Variants in ZFHX3 observed in about 807,000 individuals in gnomAD.
The protein encoded by ZFHX3 is zinc finger homeobox protein 3.
In ZFHX3, 42 loss-of-function variants were observed where a neutral mutation model predicts 279.1. That is an observed-to-expected ratio of 0.15 (90% confidence interval 0.12 to 0.19). The LOEUF (loss-of-function observed/expected upper bound fraction) is 0.19. Ranked by LOEUF, ZFHX3 falls within the 10% of genes least tolerant of loss-of-function variation. The pLI is 1.00. For synonymous variants in ZFHX3, 2,293 were observed against 1,957.8 expected (o/e 1.17, Z -4.52); for missense variants, 4,981 against 4,754.0 (o/e 1.05, Z -1.40).
chr16:73,642,026 G>T (rs2052577635), intron 2 of ZFHX3, among the ~76,000 whole-genome samples: 1 of 152,060 alleles, frequency 6.6e-6, no homozygotes, highest in Non-Finnish European at 1.5e-5. Flanking sequence ...TTCAGGCAGT[G>T]TGAGGGACGC....
chr16:73,439,909 C>CAAAAAAA (rs71156164), intron 3 of ZFHX3, among the ~76,000 whole-genome samples: 5 of 75,442 alleles, frequency 6.6e-5, no homozygotes, highest in African/African-American at 1.3e-4. Context: ...GGGAGAGGGA[C>CAAAAAAA]AAAAAAAAAA....
At chr16:73,224,333 A>C (rs1248305929) in intron 5 of ZFHX3, among the ~76,000 whole-genome samples, 1 of 152,242 alleles carries the variant, frequency 6.6e-6, no homozygotes, top group Non-Finnish European at 1.5e-5. Flanking sequence ...GTGAGCCTAC[A>C]CTGCTCGAAA....
intron 4 of ZFHX3, among the ~76,000 whole-genome samples, chr16:72,832,981 T>C (rs2037101058): frequency 6.6e-6 from 1 of 152,214 alleles, no homozygotes; most frequent in Admixed American, 6.5e-5. Flanking sequence ...ACCGGAAAAC[T>C]GTGAGCTCTG....
At chr16:73,844,804 A>G (rs1364806886) in intron 1 of ZFHX3, among the ~76,000 whole-genome samples, 1 of 151,846 alleles carries the variant, frequency 6.6e-6, no homozygotes, top group Non-Finnish European at 1.5e-5. Flanking sequence ...GATGATGGGT[A>G]GATCAATGGG....
chr16:73,622,725 C>T (rs1352016991), intron 2 of ZFHX3, among the ~76,000 whole-genome samples: 1 of 152,156 alleles, frequency 6.6e-6, no homozygotes, highest in African/African-American at 2.4e-5. Flanking sequence ...GTATCGCCCC[C>T]CCAACCTACA....
At chr16:73,436,382 G>A (rs1264127328) in intron 3 of ZFHX3, among the ~76,000 whole-genome samples, 2 of 152,104 alleles carry the variant, frequency 1.3e-5, no homozygotes, top group African/African-American at 4.8e-5. Flanking sequence ...TCACAATCAT[G>A]GTGGAAGGTA....
intron 3 of ZFHX3, among the ~76,000 whole-genome samples, chr16:73,407,689 T>C (rs74657017): frequency 0.024 from 3,618 of 152,200 alleles, 130 homozygotes; most frequent in African/African-American, 0.082. Context: ...CTCCTGCATA[T>C]AGAGATATAG....
At chr16:72,998,578 A>C (rs900754403) in intron 1 of ZFHX3, among the ~76,000 whole-genome samples, 2 of 152,176 alleles carry the variant, frequency 1.3e-5, no homozygotes, top group Non-Finnish European at 2.9e-5. Context: ...TTCCACACTC[A>C]CAGTATGGCT....
At chr16:73,008,031 C>T (rs1963777887) in intron 1 of ZFHX3, among the ~76,000 whole-genome samples, 2 of 151,954 alleles carry the variant, frequency 1.3e-5, no homozygotes, top group Non-Finnish European at 2.9e-5. Context: ...GGCCTTTTTT[C>T]CCAAATAGCT....
chr16:73,445,295 T>C (rs1183271637), intron 3 of ZFHX3, among the ~76,000 whole-genome samples: 1 of 112,420 alleles, frequency 8.9e-6, no homozygotes, highest in African/African-American at 3.1e-5. Flanking sequence ...TATATATATG[T>C]ATATGTATGT....
At chr16:73,202,696 G>C (rs574188063) in intron 5 of ZFHX3, among the ~76,000 whole-genome samples, 52 of 152,204 alleles carry the variant, frequency 3.4e-4, no homozygotes, top group African/African-American at 1.2e-3. Context: ...ACACTCCACT[G>C]CTCGTTGGCC....
chr16:73,369,627 C>T (rs1278959370), intron 3 of ZFHX3, among the ~76,000 whole-genome samples: 1 of 152,178 alleles, frequency 6.6e-6, no homozygotes, highest in Admixed American at 6.5e-5. Flanking sequence ...CATGCCAGTG[C>T]TTCTCAATCC....
intron 3 of ZFHX3, among the ~76,000 whole-genome samples, chr16:73,454,709 C>A (rs943537801): frequency 6.6e-6 from 1 of 152,122 alleles, no homozygotes; most frequent in Non-Finnish European, 1.5e-5. Flanking sequence ...CCCCACCCAC[C>A]CAATAAAGAG....
chr16:73,446,947 G>A (rs765442815), intron 3 of ZFHX3, among the ~76,000 whole-genome samples: 3 of 152,052 alleles, frequency 2.0e-5, no homozygotes, highest in Non-Finnish European at 4.4e-5. Context: ...TTAGGAGGCC[G>A]AGGTGGGTGG....
rs183500091 is a variant in ZFHX3 at position 72,895,533 on chromosome 16, G to A, written c.3217-5571C>T. On this transcript the variant is annotated intron_variant, in intron 3 of 9. Transcript: ENST00000268489. ...TCCAACTCACTTGCTTGTTTAGAAA[G>A]CACCTGGAGGCCAGGCGTGGTGGCT... 6.0e-4 allele frequency among the ~76,000 whole-genome samples: 91 copies of A among 152,308 alleles called. No homozygotes were observed. The Middle Eastern group carries it at 0.014, about 23-fold the overall frequency.
At chr16:73,449,042 A>G (rs1349057261) in intron 3 of ZFHX3, among the ~76,000 whole-genome samples, 5 of 152,178 alleles carry the variant, frequency 3.3e-5, no homozygotes, top group Non-Finnish European at 5.9e-5. Context: ...TATAATTGCA[A>G]CACTGAAATA....
At position 72,793,178 on chromosome 16, in the gene ZFHX3, T is replaced by C; in HGVS notation, c.9427+77A>G. 2.0e-6 allele frequency: 3 copies of C among 1,523,772 alleles called. No homozygotes were observed. The South Asian group carries it at 4.0e-5, about 20-fold the overall frequency. The allele number at this position is 1,523,772 out of a possible 1,614,324, so 94.4% of individuals were successfully genotyped here. ...CCCATCTGCCCAGCACTCAGAGGGT[T>C]TGGGTGGTATCCACATAACAGAATG... On this transcript the variant is annotated intron_variant, in intron 9 of 9. Coordinates refer to ENST00000268489, the MANE Select transcript of ZFHX3 (RefSeq NM_006885.4). This position sits in a 1 kb window ranked among gnomAD's most constrained non-coding sequence, Gnocchi z 4.3.
At chr16:73,647,752 G>C (rs1040392499) in intron 2 of ZFHX3, among the ~76,000 whole-genome samples, 1 of 151,892 alleles carries the variant, frequency 6.6e-6, no homozygotes, top group Non-Finnish European at 1.5e-5. Flanking sequence ...AAACAAAAAA[G>C]AAGGAAGAAA....
At chr16:73,798,882 C>G (rs542118282) in intron 1 of ZFHX3, among the ~76,000 whole-genome samples, 2 of 152,268 alleles carry the variant, frequency 1.3e-5, no homozygotes, top group East Asian at 3.9e-4. Context: ...ACACGAAAAC[C>G]CTGCCTGATG....
Sources: gnomAD v4.1 joint callset for allele counts (sites outside exome capture counted in the v4.1 genomes callset) on GRCh38, gnomAD v4.1.1 for gene constraint, Gnocchi (gnomAD v3.1) non-coding constraint, MANE v1.5 for transcripts, NCBI Gene and HGNC (gene_info 2026-07-23, HGNC 2026-07-21) for gene names.